The following GNG4 variants were observed in gnomAD, a reference collection of about 807,000 sequenced individuals.
The protein encoded by GNG4 is G protein subunit gamma 4.
In GNG4, 4 loss-of-function variants were observed where a neutral mutation model predicts 5.8. The ratio of observed to expected loss-of-function variants is 0.69; its 90% CI spans 0.34 to 1.57. The LOEUF (loss-of-function observed/expected upper bound fraction) is 1.57, where lower values mean the gene tolerates loss of function less well. GNG4 is among the 40% of genes most tolerant of loss of function. The pLI is 0.06. For missense variants in GNG4, 96 were observed against 95.1 expected (o/e 1.01, Z -0.04); for synonymous variants, 29 against 32.9 (o/e 0.88, Z 0.41).
chr1:235,558,737 G>A (rs1476093577), intron 3 of GNG4, among the ~76,000 whole-genome samples: 1 of 152,190 alleles, frequency 6.6e-6, no homozygotes, highest in East Asian at 1.9e-4. Flanking sequence ...TTCCTTTACT[G>A]TGTATCCTTT....
In GNG4 at chr1:235,621,217, C is replaced by CAA. The variant is rs35400729; in HGVS notation, c.-122-25708_-122-25707dup. On this transcript the variant is annotated intron_variant, in intron 1 of 3. Coordinates refer to ENST00000391854, the MANE Select transcript of GNG4 (RefSeq NM_001098722.2). ...AGATGGTAATATGCTGGAGATTAGC[C>CAA]AAAAAAAAAAAAAAAGTCTAATTTT... 2.4e-3 allele frequency among the ~76,000 whole-genome samples: 278 copies of CAA among 114,280 alleles called. 1 individual carries two copies. The highest frequency in any genetic ancestry group is 2.9e-3 in the Non-Finnish European group (163 of 56,106). 75.0% of individuals were successfully genotyped at this position (114,280 alleles called of 152,430 possible). A position where few individuals can be genotyped will look rare whatever the true frequency, so the allele number is the denominator to read the frequency against.
Position 235,583,824 on chromosome 1 carries a change from C to G in GNG4, c.15G>C (p.Met5Ile), listed in dbSNP as rs143786563. 1.2e-6 allele frequency: 2 copies of G among 1,612,776 alleles called. No homozygotes were observed. The highest frequency in any genetic ancestry group is 3.3e-5 in the Admixed American group (2 of 59,994). Residue 5 changes from methionine to isoleucine, a missense_variant, in exon 3 of 4, where the codon ATG (methionine) becomes ATC (isoleucine). Physicochemically the swap from Met to Ile is conservative, Grantham distance 10 (BLOSUM62 1). Transcript: ENST00000391854. MKEG[M>I]SNNSTTSISQ... Reference sequence around the variant, plus strand: ...AGATGCTAGTGGTGCTGTTATTAGACATGCCCTCTTTCATTCTACTGCCCC... The same window carrying G: ...AGATGCTAGTGGTGCTGTTATTAGAGATGCCCTCTTTCATTCTACTGCCCC...
At position 235,628,993 on chromosome 1, in the gene GNG4, A is replaced by ATT. The variant is rs1054950474; in HGVS notation, c.-123+20667_-123+20668dup. Among the ~76,000 whole-genome samples, 644 of 118,350 alleles carry ATT rather than the reference A, an allele frequency of 5.4e-3. 5 individuals are homozygous for ATT. The highest frequency in any genetic ancestry group is 0.019 in the African/African-American group (615 of 33,164). 77.6% of individuals were successfully genotyped at this position (118,350 alleles called of 152,430 possible). ...GCGATAAAGTCAAACATTTGCTTGAATTTTTTTTTTTTTTTTTTTGCTTTT... is the reference window on the plus strand; with the variant it reads ...GCGATAAAGTCAAACATTTGCTTGAATTTTTTTTTTTTTTTTTTTTTGCTTTT... On this transcript the variant is annotated intron_variant, in intron 1 of 3. Transcript: ENST00000391854.
At chr1:235,607,025 G>A (rs1010592311) in intron 1 of GNG4, among the ~76,000 whole-genome samples, 3 of 135,624 alleles carry the variant, frequency 2.2e-5, no homozygotes, top group African/African-American at 8.4e-5. Context: ...TGCAACCTCC[G>A]CCTTCTGGGT....
chr1:235,572,389 G>A (rs999096109), intron 3 of GNG4, among the ~76,000 whole-genome samples: 6 of 151,854 alleles, frequency 4.0e-5, no homozygotes, highest in African/African-American at 1.2e-4. Flanking sequence ...TAGTAGAGAC[G>A]GGGTTTCACC....
At chr1:235,586,728 A>G (rs1380870227) in intron 2 of GNG4, among the ~76,000 whole-genome samples, 2 of 152,284 alleles carry the variant, frequency 1.3e-5, no homozygotes, top group East Asian at 1.9e-4. Context: ...GCTGTGTGAT[A>G]GTATGGCTCC....
intron 1 of GNG4, among the ~76,000 whole-genome samples, chr1:235,599,292 T>G (rs59549573): frequency 0.081 from 12,207 of 150,260 alleles, 818 homozygotes; most frequent in African/African-American, 0.18. Flanking sequence ...TGCGGGTTTT[T>G]TTGTTGTCGT....
intron 1 of GNG4, among the ~76,000 whole-genome samples, chr1:235,610,559 C>G (rs1229249095): frequency 6.6e-6 from 1 of 152,204 alleles, no homozygotes; most frequent in Non-Finnish European, 1.5e-5. Flanking sequence ...CAATTCATTA[C>G]TATCAGTATT....
chr1:235,569,233 G>A (rs1687275388), intron 3 of GNG4, among the ~76,000 whole-genome samples: 1 of 152,144 alleles, frequency 6.6e-6, no homozygotes, highest in Admixed American at 6.6e-5. Context: ...ACCAAGGCTG[G>A]GTGTGGGGGC....
intron 1 of GNG4, among the ~76,000 whole-genome samples, chr1:235,602,418 C>T (rs571056126): frequency 6.6e-6 from 1 of 152,302 alleles, no homozygotes; most frequent in East Asian, 1.9e-4. Context: ...CCCCAAATTC[C>T]CCCTGGAGCT....
chr1:235,634,530 T>C (rs1433914480), intron 1 of GNG4, among the ~76,000 whole-genome samples: 2 of 152,222 alleles, frequency 1.3e-5, no homozygotes, highest in Admixed American at 6.5e-5. Flanking sequence ...GCAGATGGGC[T>C]ATGTGTCCTA....
intron 3 of GNG4, among the ~76,000 whole-genome samples, chr1:235,576,596 A>G (rs1220333801): frequency 6.6e-6 from 1 of 152,150 alleles, no homozygotes; most frequent in Non-Finnish European, 1.5e-5. Context: ...GACAACCTGG[A>G]GGACATTACT....
At chr1:235,621,587 A>G (rs1018267356) in intron 1 of GNG4, among the ~76,000 whole-genome samples, 5 of 151,846 alleles carry the variant, frequency 3.3e-5, no homozygotes, top group African/African-American at 1.2e-4. Flanking sequence ...GAGCCACTGC[A>G]CCTGGCAAAA....
chr1:235,564,979 A>G (rs1687158364), intron 3 of GNG4, among the ~76,000 whole-genome samples: 1 of 152,166 alleles, frequency 6.6e-6, no homozygotes, highest in Admixed American at 6.5e-5. Context: ...CACAGCGCCC[A>G]GCCAGTTATT....
chr1:235,591,272 G>C (rs1687955529), intron 2 of GNG4, among the ~76,000 whole-genome samples: 1 of 152,080 alleles, frequency 6.6e-6, no homozygotes, highest in Non-Finnish European at 1.5e-5. Context: ...CCCCACACTT[G>C]GTCTGTCCTG....
At chr1:235,577,331 C>T (rs1687509790) in intron 3 of GNG4, among the ~76,000 whole-genome samples, 1 of 152,206 alleles carries the variant, frequency 6.6e-6, no homozygotes, top group African/African-American at 2.4e-5. Context: ...CAGCTGGTTC[C>T]CATGCAGCCT....
intron 3 of GNG4, among the ~76,000 whole-genome samples, chr1:235,567,808 TC>T (rs1251959161): frequency 6.6e-6 from 1 of 152,200 alleles, no homozygotes; most frequent in African/African-American, 2.4e-5. Context: ...TACTTCCAAT[TC>T]TTTTGAGTCT....
At chr1:235,612,224 C>T (rs993058591) in intron 1 of GNG4, among the ~76,000 whole-genome samples, 6 of 152,174 alleles carry the variant, frequency 3.9e-5, no homozygotes, top group African/African-American at 4.8e-5. Flanking sequence ...ACTCACAAGA[C>T]GATGACAGAA....
chr1:235,577,021 T>G (rs1264650931), intron 3 of GNG4, among the ~76,000 whole-genome samples: 1 of 152,238 alleles, frequency 6.6e-6, no homozygotes, highest in African/African-American at 2.4e-5. Flanking sequence ...AACTGCTTAA[T>G]GCAGTTATAT....
Sources: gnomAD v4.1 joint callset for allele counts (sites outside exome capture counted in the v4.1 genomes callset) on GRCh38, gnomAD v4.1.1 for gene constraint, MANE v1.5 for transcripts, NCBI Gene and HGNC (gene_info 2026-07-23, HGNC 2026-07-21) for gene names.